Variants in SLC5A12 observed in about 807,000 individuals in gnomAD.
SLC5A12 encodes the protein solute carrier family 5 member 12, also known as sodium-coupled monocarboxylate transporter 2.
Under a neutral mutation model 72.7 loss-of-function variants are expected in SLC5A12, and 46 were observed. The ratio of observed to expected loss-of-function variants is 0.63; its 90% CI spans 0.50 to 0.81. The LOEUF (loss-of-function observed/expected upper bound fraction) is 0.81, where lower values mean the gene tolerates loss of function less well. Ranked by LOEUF, SLC5A12 falls within the 30% of genes least tolerant of loss-of-function variation. The pLI is 0.00. For synonymous variants in SLC5A12, 275 were observed against 264.4 expected (o/e 1.04, Z -0.39); for missense variants, 683 against 740.7 (o/e 0.92, Z 0.90).
At chr11:26,701,120 C>G (rs992668964) in intron 6 of SLC5A12, among the ~76,000 whole-genome samples, 1 of 151,812 alleles carries the variant, frequency 6.6e-6, no homozygotes, top group African/African-American at 2.4e-5. Context: ...GCCCTCAAGG[C>G]TCCAGCTGTG....
At chr11:26,690,239 A>C (rs1011941591) in intron 9 of SLC5A12, among the ~76,000 whole-genome samples, 8 of 152,160 alleles carry the variant, frequency 5.3e-5, no homozygotes, top group Non-Finnish European at 2.9e-5. Flanking sequence ...ATAGTAATGA[A>C]TAGCCAAAAT....
At chr11:26,680,418 T>G (rs924530369) in intron 12 of SLC5A12, among the ~76,000 whole-genome samples, 1 of 119,140 alleles carries the variant, frequency 8.4e-6, no homozygotes, top group African/African-American at 3.1e-5. Context: ...TATTTCCTCA[T>G]TTTTCCATCA....
intron 8 of SLC5A12, among the ~76,000 whole-genome samples, chr11:26,693,206 C>A (rs1396616595): frequency 6.6e-6 from 1 of 152,152 alleles, no homozygotes; most frequent in Non-Finnish European, 1.5e-5. Context: ...AGTTTGGAAA[C>A]TTTTTCCTTT....
intron 13 of SLC5A12, among the ~76,000 whole-genome samples, chr11:26,677,303 A>T (rs551905041): frequency 2.9e-4 from 44 of 152,334 alleles, no homozygotes; most frequent in African/African-American, 1.0e-3. Flanking sequence ...CATGCTGAAA[A>T]TGTGTAAGAA....
At chr11:26,715,359 A>C (rs914205073) in intron 1 of SLC5A12, among the ~76,000 whole-genome samples, 1 of 152,076 alleles carries the variant, frequency 6.6e-6, no homozygotes, top group Non-Finnish European at 1.5e-5. Flanking sequence ...GGGTGTTATC[A>C]TTGGCACTCA....
chr11:26,671,076 G>C lies in SLC5A12; in HGVS notation c.*26C>G, dbSNP rs767654701. 1.3e-6 allele frequency: 2 copies of C among 1,565,850 alleles called. No individual in the cohort carries two copies. Among genetic ancestry groups the C allele is most frequent in the South Asian group, 2.3e-5 (2 of 87,542 alleles). ...GTGTGTGTGTGTGTATTGCACGTGT[G>C]TGTGTGCATTCATACAGGTATTGCC... On this transcript the variant is annotated 3_prime_UTR_variant, in exon 15 of 15. Transcript: ENST00000396005.
At chr11:26,716,762 G>T (rs1855359371) in intron 1 of SLC5A12, among the ~76,000 whole-genome samples, 1 of 152,008 alleles carries the variant, frequency 6.6e-6, no homozygotes, top group Non-Finnish European at 1.5e-5. Flanking sequence ...ATATTTACTT[G>T]CATTCATCCT....
rs777568943 is a variant in SLC5A12 at position 26,703,956 on chromosome 11, G to C, written c.526-9C>G. ...ACTGCTTTTAATCCTCCCTGAAATA[G>C]AGAGAATGTTTGAGTCCTTGAAAAC... On this transcript the variant is annotated splice_polypyrimidine_tract_variant and intron_variant, in intron 4 of 14. Transcript: ENST00000396005. The C allele has an allele frequency of 7.7e-5, 124 of 1,613,196 alleles. No homozygotes were observed. Among genetic ancestry groups the C allele is most frequent in the Admixed American group, 4.5e-4 (27 of 59,934 alleles).
chr11:26,719,172 A>G (rs1855421052), intron 1 of SLC5A12, among the ~76,000 whole-genome samples: 1 of 152,226 alleles, frequency 6.6e-6, no homozygotes, highest in African/African-American at 2.4e-5. Context: ...AAATTGTTCA[A>G]TAATTTTAAG....
chr11:26,702,085 C>T (rs941603624), intron 6 of SLC5A12, among the ~76,000 whole-genome samples: 1 of 152,104 alleles, frequency 6.6e-6, no homozygotes, highest in Admixed American at 6.6e-5. Context: ...TTTACAGGTA[C>T]AGCCAACTAT....
intron 3 of SLC5A12, among the ~76,000 whole-genome samples, chr11:26,710,530 A>T (rs1318259905): frequency 1.3e-5 from 2 of 151,914 alleles, no homozygotes; most frequent in African/African-American, 4.8e-5. Flanking sequence ...CTTTTTAATG[A>T]CCGCCATTCT....
In SLC5A12 at chr11:26,671,202, A is replaced by G; in HGVS notation, c.1757T>C (p.Leu586Ser). The change falls in exon 15 of 15, where the codon TTA becomes TCA. Residue 586 changes from leucine (L) to serine (S), a missense_variant. Transcript: ENST00000396005. ...SARKQGAESV[L>S]QNGLRRESLV... ...GCTTTCTCTTCTGAGTCCGTTCTGT[A>G]AGACAGATTCAGCCCCCTGTTTCCG... The G allele has an allele frequency of 6.2e-7, 1 of 1,610,272 alleles. No homozygotes were observed. The highest frequency in any genetic ancestry group is 8.5e-7 in the Non-Finnish European group (1 of 1,178,170).
rs1854035071 is a variant in SLC5A12, at chr11:26,667,833, T to A, written c.*3269A>T. On this transcript the variant is annotated 3_prime_UTR_variant, in exon 15 of 15. Coordinates refer to ENST00000396005, the MANE Select transcript of SLC5A12 (RefSeq NM_178498.4). ...TTTTAATGTATACATTCTGTTTTTC[T>A]TATTATTTCTAATTCTCAAAATAGT... 1 of 151,982 alleles carries A rather than the reference T, an allele frequency of 6.6e-6. No homozygotes were observed. The highest frequency in any genetic ancestry group is 2.4e-5 in the African/African-American group (1 of 41,416). The allele number at this position is 151,982 out of a possible 1,614,324, so 9.4% of individuals were successfully genotyped here.
chr11:26,695,044 TA>T (rs1854776244), intron 8 of SLC5A12, among the ~76,000 whole-genome samples: 1 of 151,974 alleles, frequency 6.6e-6, no homozygotes, highest in African/African-American at 2.4e-5. Context: ...AAGTCAAGAA[TA>T]TCTGTAGATA....
intron 11 of SLC5A12, among the ~76,000 whole-genome samples, chr11:26,682,689 A>G (rs898274167): frequency 6.6e-6 from 1 of 151,256 alleles, no homozygotes; most frequent in Non-Finnish European, 1.5e-5. Flanking sequence ...CTGACCAAAT[A>G]GAAAAAACTA....
chr11:26,714,699 C>T (rs527580811), intron 1 of SLC5A12, among the ~76,000 whole-genome samples: 1 of 152,188 alleles, frequency 6.6e-6, no homozygotes, highest in Non-Finnish European at 1.5e-5. Context: ...CAAGGATTGA[C>T]AATCAATTTA....
At position 26,669,923 on chromosome 11, in the gene SLC5A12, C is replaced by G. The variant is rs1258422383; in HGVS notation, c.*1179G>C. The stretch of plus-strand genomic sequence containing the variant: ...AACTTTGTTTCTTATTATCTGTCCT[C>G]TGACTTGGCCCCTGTGACATACTGG... On this transcript the variant is annotated 3_prime_UTR_variant, in exon 15 of 15. Transcript: ENST00000396005. 6.6e-6 allele frequency: 1 copy of G among 152,086 alleles called. No homozygotes were observed. Among genetic ancestry groups the G allele is most frequent in the Non-Finnish European group, 1.5e-5 (1 of 67,998 alleles). 9.4% of individuals were successfully genotyped at this position (152,086 alleles called of 1,614,324 possible).
At chr11:26,696,142 T>A (rs1463137954) in intron 8 of SLC5A12, among the ~76,000 whole-genome samples, 1 of 152,206 alleles carries the variant, frequency 6.6e-6, no homozygotes, top group East Asian at 1.9e-4. Context: ...TCAGACACAA[T>A]CTTGTTAATC....
In SLC5A12 at chr11:26,698,466, C is replaced by T. The variant is rs754806458; in HGVS notation, c.891G>A (p.Met297Ile). The T allele has an allele frequency of 1.2e-6, 2 of 1,613,840 alleles. No homozygotes were observed. Among genetic ancestry groups the T allele is most frequent in the East Asian group, 2.2e-5 (1 of 44,868 alleles). The change falls in exon 7 of 15, where the codon ATG becomes ATA. Residue 297 changes from methionine to isoleucine, a missense_variant. Transcript: ENST00000396005. ...GGTCACAGTCTTTAAAGTGAGAGTA[C>T]ATGATTAAGCCAGAGAAGACAGCAC... The part of the protein sequence containing the change: ...LVCAVFSGLI[M>I]YSHFKDCDPW...
Sources: gnomAD v4.1 joint callset for allele counts (sites outside exome capture counted in the v4.1 genomes callset) on GRCh38, gnomAD v4.1.1 for gene constraint, MANE v1.5 for transcripts, NCBI Gene and HGNC (gene_info 2026-07-23, HGNC 2026-07-21) for gene names.